The following VWA3B variants were observed in gnomAD, a reference collection of about 807,000 sequenced individuals.
VWA3B encodes the protein von Willebrand factor A domain containing 3B.
Under a neutral mutation model 158.3 loss-of-function variants are expected in VWA3B, and 138 were observed. The ratio of observed to expected loss-of-function variants is 0.87; its 90% CI spans 0.76 to 1.00. VWA3B has a LOEUF of 1.00. Among genes scored for constraint, VWA3B ranks in the 50% least tolerant of loss-of-function variants. VWA3B has a pLI of 0.00. For missense variants in VWA3B, 1,555 were observed against 1,565.1 expected (o/e 0.99, Z 0.11); for synonymous variants, 596 against 587.3 (o/e 1.01, Z -0.21).
chr2:98,316,371 G>A (rs575866641), downstream of VWA3B, among the ~76,000 whole-genome samples: 11 of 152,222 alleles, frequency 7.2e-5, no homozygotes, highest in South Asian at 2.1e-4. Flanking sequence ...GGCTGGGCGC[G>A]GTGGCTCATG....
intron 6 of VWA3B, among the ~76,000 whole-genome samples, chr2:98,129,615 C>T (rs949611851): frequency 6.6e-6 from 1 of 152,026 alleles, no homozygotes; most frequent in East Asian, 1.9e-4. Context: ...TGGCAGTAGG[C>T]TCCTTATCTA....
intron 2 of VWA3B, among the ~76,000 whole-genome samples, chr2:98,108,854 A>G (rs1170294479): frequency 6.6e-6 from 1 of 151,804 alleles, no homozygotes; most frequent in East Asian, 1.9e-4. Context: ...TTGATTATTG[A>G]TATGTTAGAG....
At chr2:98,219,168 C>T (rs765712389) in intron 14 of VWA3B, among the ~76,000 whole-genome samples, 10 of 152,080 alleles carry the variant, frequency 6.6e-5, no homozygotes, top group Admixed American at 2.6e-4. Context: ...AAAATACAGA[C>T]CCATAATGAG....
At chr2:98,207,439 C>T in intron 12 of VWA3B, 1 of 481,900 alleles carries the variant, frequency 2.1e-6, no homozygotes, top group Non-Finnish European at 4.1e-6. Flanking sequence ...CTACAAATCC[C>T]TCCATACGTT....
At chr2:98,316,571 C>T (rs535719858), downstream of VWA3B, among the ~76,000 whole-genome samples, 78 of 150,984 alleles carry the variant, frequency 5.2e-4, 2 homozygotes, top group African/African-American at 1.4e-3. Flanking sequence ...GGCTTGAACC[C>T]GTGAGGCAGA....
At chr2:98,298,432 CTATTCTATTCTAT>C (rs1689965256) in intron 24 of VWA3B, among the ~76,000 whole-genome samples, 1 of 150,736 alleles carries the variant, frequency 6.6e-6, no homozygotes, top group Non-Finnish European at 1.5e-5. Context: ...CTATTCTATT[CTATTCTATTCTAT>C]GCCATGCCAT....
At chr2:98,230,517 A>ATG (rs142582524) in intron 16 of VWA3B, among the ~76,000 whole-genome samples, 10 of 151,482 alleles carry the variant, frequency 6.6e-5, no homozygotes, top group South Asian at 2.1e-4. Flanking sequence ...GTGTGTGTGT[A>ATG]TGTGTGTGTG....
At chr2:98,265,551 A>G (rs982607512) in intron 21 of VWA3B, among the ~76,000 whole-genome samples, 3 of 151,948 alleles carry the variant, frequency 2.0e-5, no homozygotes, top group Non-Finnish European at 4.4e-5. Flanking sequence ...ACCTTTGGGT[A>G]TATACCCAGT....
At chr2:98,161,927 G>A (rs576892148) in intron 7 of VWA3B, among the ~76,000 whole-genome samples, 6 of 152,114 alleles carry the variant, frequency 3.9e-5, no homozygotes, top group Non-Finnish European at 8.8e-5. Context: ...GCCTGGTCTC[G>A]AACTCCTGAC....
rs996534066 is a variant in VWA3B at position 98,146,669 on chromosome 2, C to T, written c.988+12730C>T. Among the ~76,000 whole-genome samples the T allele has an allele frequency of 2.6e-5, 4 of 152,332 alleles. No homozygotes were observed. In the South Asian group the frequency reaches 8.3e-4, roughly 32 times the overall value. On this transcript the variant is annotated intron_variant, in intron 7 of 27. Transcript: ENST00000477737. ...TACACATTCTCTGTGCTTTCTTCTG[C>T]ATTGCTTCTGTCCCATCTCAGCTGT... is the stretch of plus-strand genomic sequence containing the variant.
At chr2:98,256,354 A>G (rs1212137867) in intron 21 of VWA3B, among the ~76,000 whole-genome samples, 180 bp downstream of exon 21, 2 of 152,102 alleles carry the variant, frequency 1.3e-5, no homozygotes, top group African/African-American at 4.8e-5. Flanking sequence ...TTGTAACCAT[A>G]AATTAATCAC....
intron 12 of VWA3B, chr2:98,207,600 G>T: frequency 2.0e-6 from 1 of 502,040 alleles, no homozygotes; most frequent in South Asian, 1.5e-5. Flanking sequence ...TACTCCTGAA[G>T]GAGACCATTA....
chr2:98,194,156 T>C (rs1681833525), intron 11 of VWA3B, among the ~76,000 whole-genome samples: 1 of 152,168 alleles, frequency 6.6e-6, no homozygotes, highest in South Asian at 2.1e-4. Context: ...ATATATACAT[T>C]TGTAAAGGTC....
chr2:98,228,673 A>G (rs954285167), intron 15 of VWA3B, among the ~76,000 whole-genome samples: 5 of 152,082 alleles, frequency 3.3e-5, no homozygotes, highest in Non-Finnish European at 2.9e-5. Context: ...ACTTCCCTCT[A>G]TGTGACTGTG....
intron 1 of VWA3B, among the ~76,000 whole-genome samples, chr2:98,089,344 A>G (rs1290360513): frequency 6.6e-6 from 1 of 152,188 alleles, no homozygotes; most frequent in Non-Finnish European, 1.5e-5. Flanking sequence ...ATAAAGTATC[A>G]TAGCAAAAGT....
chr2:98,158,839 A>G (rs1678329644), intron 7 of VWA3B, among the ~76,000 whole-genome samples: 1 of 152,054 alleles, frequency 6.6e-6, no homozygotes, highest in African/African-American at 2.4e-5. Flanking sequence ...CATGGTGCAG[A>G]GTGTTAGAGG....
intron 14 of VWA3B, among the ~76,000 whole-genome samples, chr2:98,227,286 C>T (rs1456730361): frequency 6.6e-6 from 1 of 152,072 alleles, no homozygotes; most frequent in Non-Finnish European, 1.5e-5. Context: ...GAATGAACTC[C>T]CATTCACAAT....
At chr2:98,271,879 A>G (rs970120025) in intron 22 of VWA3B, among the ~76,000 whole-genome samples, 24 of 152,226 alleles carry the variant, frequency 1.6e-4, no homozygotes, top group Admixed American at 6.5e-5. Flanking sequence ...TGTGTCCCCC[A>G]GAGTTCATGT....
intron 14 of VWA3B, among the ~76,000 whole-genome samples, chr2:98,221,044 G>A (rs1684456050): frequency 6.6e-6 from 1 of 151,978 alleles, no homozygotes; most frequent in African/African-American, 2.4e-5. Flanking sequence ...TAGGTGACAG[G>A]TTGATAGGTG....
Sources: allele counts gnomAD v4.1 joint callset (sites outside exome capture counted in the v4.1 genomes callset), GRCh38; gene constraint gnomAD v4.1.1; transcripts MANE v1.5; gene names NCBI Gene and HGNC (gene_info 2026-07-23, HGNC 2026-07-21).